Variants in UBXN7 observed in about 807,000 individuals in gnomAD.
The protein encoded by UBXN7 is UBX domain-containing protein 7.
In UBXN7, 9 loss-of-function variants were observed where a neutral mutation model predicts 58.0. That is an observed-to-expected ratio of 0.16 (90% CI 0.09 to 0.27). The LOEUF (loss-of-function observed/expected upper bound fraction) is 0.27, where lower values mean the gene tolerates loss of function less well. UBXN7 is among the 10% of genes least tolerant of loss of function. The pLI is 1.00. For missense variants in UBXN7, 328 were observed against 599.6 expected, an observed-to-expected ratio of 0.55 and a Z score of 4.73; for synonymous variants, 208 against 205.0, an observed-to-expected ratio of 1.01 and a Z score of -0.12.
chr3:196,391,741 T>C (rs1332377289), intron 5 of UBXN7, 72 bp downstream of exon 5: 15 of 1,180,808 alleles, frequency 1.3e-5, no homozygotes, highest in Non-Finnish European at 1.8e-5. Context: ...CTAAAACAAG[T>C]AATTTTTTAA....
At chr3:196,375,257 G>A (rs1728981468) in intron 5 of UBXN7, among the ~76,000 whole-genome samples, 2 of 150,794 alleles carry the variant, frequency 1.3e-5, no homozygotes, top group Non-Finnish European at 3.0e-5. Context: ...GGTAAGGACA[G>A]GTTAATTTGC....
In UBXN7 at chr3:196,422,636, G is replaced by A. The variant is rs568347971; in HGVS notation, c.73+9691C>T. On this transcript the variant is annotated intron_variant, in intron 1 of 10. Transcript: ENST00000296328. ...ATTCCTGGCCTAGAGCAATCCTCCC[G>A]CATCAGCCTCTCAAAGCCACTATAC... 1.8e-3 allele frequency among the ~76,000 whole-genome samples: 277 copies of A among 152,180 alleles called. 1 individual carries two copies. Among genetic ancestry groups the A allele is most frequent in the African/African-American group, 6.4e-3 (265 of 41,530 alleles).
intron 1 of UBXN7, among the ~76,000 whole-genome samples, chr3:196,408,795 A>T (rs1170432580): frequency 2.0e-5 from 3 of 152,158 alleles, no homozygotes; most frequent in African/African-American, 7.2e-5. Flanking sequence ...CTAAAGAAAA[A>T]TGTTTTTATA....
rs780330261 is a variant in UBXN7 at position 196,362,363 on chromosome 3, C to T, written c.1159G>A (p.Val387Met). The T allele has an allele frequency of 6.2e-6, 10 of 1,614,124 alleles. No individual in the cohort carries two copies. The highest frequency in any genetic ancestry group is 2.2e-5 in the East Asian group (1 of 44,890). The part of the protein sequence containing the change: ...TATNHQGLPA[V>M]DSEILEMPPE... ...GGCATCTCCAGTATCTCTGAATCCA[C>T]AGCTGGCAATCCTTGGTGGTTTGTG... Residue 387 changes from valine (V) to methionine (M), a missense_variant, in exon 9 of 11, where the codon GTG becomes ATG. By Grantham distance (21) the Val-to-Met change is conservative. Coordinates refer to ENST00000296328, the MANE Select transcript of UBXN7 (RefSeq NM_015562.2).
intron 5 of UBXN7, among the ~76,000 whole-genome samples, chr3:196,375,683 A>G (rs1728996719): frequency 6.6e-6 from 1 of 152,316 alleles, no homozygotes; most frequent in East Asian, 1.9e-4. Flanking sequence ...AGAGTAAAAC[A>G]GCGGGAGACT....
intron 10 of UBXN7, among the ~76,000 whole-genome samples, chr3:196,358,293 C>A (rs1470750599): frequency 6.6e-6 from 1 of 152,220 alleles, no homozygotes; most frequent in Non-Finnish European, 1.5e-5. Flanking sequence ...TGGAAAACCA[C>A]TATCCTCTTC....
chr3:196,414,592 C>T (rs1419227020), intron 1 of UBXN7: 1 of 152,226 alleles, frequency 6.6e-6, no homozygotes, highest in Non-Finnish European at 1.5e-5. Context: ...CTTTATAAAA[C>T]CCTATCTTTG....
chr3:196,385,369 C>T (rs972780588), intron 5 of UBXN7, among the ~76,000 whole-genome samples: 1 of 152,208 alleles, frequency 6.6e-6, no homozygotes, highest in Non-Finnish European at 1.5e-5. Context: ...CACCTCCCAG[C>T]CGCCTGCCTT....
Position 196,362,418 on chromosome 3 carries a change from C to G in UBXN7, c.1104G>C (p.Glu368Asp). Residue 368 changes from glutamate (E) to aspartate (D), a missense_variant, in exon 9 of 11, where the codon GAG (glutamate) becomes GAC (aspartate). By Grantham distance (45) the Glu-to-Asp change is conservative. Coordinates refer to ENST00000296328, the MANE Select transcript of UBXN7 (RefSeq NM_015562.2). The stretch of plus-strand genomic sequence containing the variant: ...TTCCAGGATCAGTTCTGACTGGTGG[C>G]TCAGTCAGCGGCCTTCTATTCTCCT... Reference protein sequence around the residue: ...RKEENRRPLTEPPVRTDPGTA... With the variant: ...RKEENRRPLTDPPVRTDPGTA... The G allele has an allele frequency of 1.2e-6, 2 of 1,614,166 alleles. No individual in the cohort carries two copies. The highest frequency in any genetic ancestry group is 1.7e-6 in the Non-Finnish European group (2 of 1,180,032).
Position 196,404,420 on chromosome 3 carries a change from G to A in UBXN7, c.222-1401C>T, listed in dbSNP as rs555525939. Among the ~76,000 whole-genome samples, 39 of 152,074 alleles carry A rather than the reference G, an allele frequency of 2.6e-4. 2 individuals are homozygous for A. Among genetic ancestry groups the A allele is most frequent in the Admixed American group, 2.6e-3 (39 of 15,260 alleles). On this transcript the variant is annotated intron_variant, in intron 2 of 10. Transcript: ENST00000296328. ...TGGGACTACAGGCGCACGCCACCAC[G>A]CCCGGCTAATTTTTTGTATTTTTAG...
Position 196,358,284 on chromosome 3 carries a change from G to A in UBXN7, c.1309-1438C>T, listed in dbSNP as rs79822142. 7.0e-3 allele frequency among the ~76,000 whole-genome samples: 1,070 copies of A among 152,324 alleles called. 7 individuals are homozygous for A. Among genetic ancestry groups the A allele is most frequent in the Non-Finnish European group, 0.012 (795 of 68,038 alleles). On this transcript the variant is annotated intron_variant, in intron 10 of 10. Coordinates refer to ENST00000296328, the MANE Select transcript of UBXN7 (RefSeq NM_015562.2). ...TAAACACTTTGCAGTTCCAGCTGCT[G>A]GAAAACCACTATCCTCTTCAAATAA...
At chr3:196,395,897 G>A (rs997482431) in intron 3 of UBXN7, among the ~76,000 whole-genome samples, 6 of 151,960 alleles carry the variant, frequency 3.9e-5, no homozygotes, top group African/African-American at 7.3e-5. Flanking sequence ...TCCCTAGTAC[G>A]TGGGACAACA....
chr3:196,383,136 GA>G (rs1381099208), intron 5 of UBXN7, among the ~76,000 whole-genome samples: 1 of 149,450 alleles, frequency 6.7e-6, no homozygotes, highest in South Asian at 2.1e-4. Context: ...AAAAGAAAAA[GA>G]AAAAAACACA....
chr3:196,400,838 A>G (rs1034200991), intron 3 of UBXN7: 2 of 229,226 alleles, frequency 8.7e-6, no homozygotes, highest in Non-Finnish European at 1.8e-5. Flanking sequence ...CTATAGTCCT[A>G]CAAAGACGCT....
rs1356697769 is a variant in UBXN7, at chr3:196,375,040, A to AAGGAAGGAAGGAAGGAAGGAAGGG, written c.469-2999_469-2998insCCCTTCCTTCCTTCCTTCCTTCCT. On this transcript the variant is annotated intron_variant, in intron 5 of 10. Transcript: ENST00000296328. ...GAAGGAAGGAAGGAAGGAAGGAAGG[A>AAGGAAGGAAGGAAGGAAGGAAGGG]AGGGAAAGGAAAGGAAAAAGGAGAG... 1.1e-3 allele frequency among the ~76,000 whole-genome samples: 143 copies of AAGGAAGGAAGGAAGGAAGGAAGGG among 135,252 alleles called. 2 individuals carry two copies. The highest frequency in any genetic ancestry group is 4.1e-3 in the South Asian group (15 of 3,646). 88.7% of individuals were successfully genotyped at this position (135,252 alleles called of 152,430 possible).
At chr3:196,390,038 C>T (rs1404252361) in intron 5 of UBXN7, among the ~76,000 whole-genome samples, 2 of 151,976 alleles carry the variant, frequency 1.3e-5, no homozygotes, top group African/African-American at 4.8e-5. Flanking sequence ...GGGAACACAG[C>T]AAGACCCCCT....
At chr3:196,403,247 T>G (rs569868962) in intron 2 of UBXN7, among the ~76,000 whole-genome samples, 18 of 152,228 alleles carry the variant, frequency 1.2e-4, no homozygotes, top group Admixed American at 6.6e-4. Context: ...AACCTCCACC[T>G]CCCGAGTTAA....
rs566045942 is a variant in UBXN7 at position 196,382,770 on chromosome 3, C to T, written c.468+9043G>A. On this transcript the variant is annotated intron_variant, in intron 5 of 10. Transcript: ENST00000296328. ...TCTCACATGCAAAGACACACATAGGCTCAAAATAAAGGGATGGAGGAAGAT... is the reference window on the plus strand; with the variant it reads ...TCTCACATGCAAAGACACACATAGGTTCAAAATAAAGGGATGGAGGAAGAT... Among the ~76,000 whole-genome samples, 20 of 152,166 alleles carry T rather than the reference C, an allele frequency of 1.3e-4. No homozygotes were observed. In the South Asian group the frequency reaches 4.2e-3, roughly 32 times the overall value.
intron 5 of UBXN7, among the ~76,000 whole-genome samples, chr3:196,389,801 C>T (rs1729521612): frequency 6.6e-6 from 1 of 152,150 alleles, no homozygotes; most frequent in Non-Finnish European, 1.5e-5. Flanking sequence ...AACTAACACA[C>T]AAGCTTACAT....
Sources: gnomAD v4.1 joint callset for allele counts (sites outside exome capture counted in the v4.1 genomes callset) on GRCh38, gnomAD v4.1.1 for gene constraint, MANE v1.5 for transcripts, NCBI Gene and HGNC (gene_info 2026-07-23, HGNC 2026-07-21) for gene names.